ROCK2: variants seen among roughly 807,000 people sequenced by gnomAD.
The protein encoded by ROCK2 is Rho associated coiled-coil containing protein kinase 2, also known as rho-associated protein kinase 2.
In ROCK2, 61 loss-of-function variants were observed where a neutral mutation model predicts 195.1. The observed-to-expected ratio is 0.31, with a 90% CI of 0.25 to 0.39. The LOEUF (loss-of-function observed/expected upper bound fraction) is 0.39, where lower values mean the gene tolerates loss of function less well. Among genes scored for constraint, ROCK2 ranks in the 10% least tolerant of loss-of-function variants. The probability of loss-of-function intolerance (pLI) is 1.00; values close to 1 mark genes in which losing one functional copy is unlikely to be tolerated. For missense variants in ROCK2, 1,109 were observed against 1,637.4 expected (o/e 0.68, Z 5.57); for synonymous variants, 504 against 545.5 (o/e 0.92, Z 1.06).
intron 1 of ROCK2, among the ~76,000 whole-genome samples, chr2:11,320,030 GC>G (rs1264513116): frequency 1.3e-5 from 2 of 152,086 alleles, no homozygotes; most frequent in African/African-American, 4.8e-5. Flanking sequence ...TGAATCCACT[GC>G]TTCCACCTAA....
intron 3 of ROCK2, among the ~76,000 whole-genome samples, chr2:11,275,387 C>T (rs1019164971): frequency 7.2e-5 from 11 of 152,028 alleles, no homozygotes; most frequent in East Asian, 1.9e-4. Context: ...TGGTTGACTG[C>T]GGGCAACTGA....
At chr2:11,308,066 C>T in intron 1 of ROCK2, 1 of 1,606,680 alleles carries the variant, frequency 6.2e-7, no homozygotes, top group Non-Finnish European at 8.5e-7. Flanking sequence ...GCTGGGGCGC[C>T]AGTTTTAGGA....
chr2:11,263,136 G>C (rs901228170), intron 3 of ROCK2, among the ~76,000 whole-genome samples: 1 of 152,156 alleles, frequency 6.6e-6, no homozygotes, highest in African/African-American at 2.4e-5. Flanking sequence ...AAAAAGTTGA[G>C]TTTACATGAG....
chr2:11,212,001 G>A (rs1252443389), intron 17 of ROCK2, among the ~76,000 whole-genome samples, 161 bp from the exon 18 acceptor site: 2 of 151,518 alleles, frequency 1.3e-5, no homozygotes, highest in African/African-American at 2.4e-5. Flanking sequence ...AACCTCCCCA[G>A]GCTCAAGCAA....
At chr2:11,341,189 AC>A (rs1361832027) in intron 1 of ROCK2, among the ~76,000 whole-genome samples, 2 of 152,192 alleles carry the variant, frequency 1.3e-5, no homozygotes, top group African/African-American at 4.8e-5. Flanking sequence ...TTAAGGACCC[AC>A]ATAAAGCCAT....
intron 32 of ROCK2, among the ~76,000 whole-genome samples, chr2:11,190,422 A>G (rs1035893174): frequency 2.0e-5 from 3 of 152,118 alleles, no homozygotes; most frequent in Non-Finnish European, 4.4e-5. Context: ...CAAATAGACC[A>G]TAATGCTGAT....
At chr2:11,218,769 A>T (rs1664519619) in intron 10 of ROCK2, among the ~76,000 whole-genome samples, 197 bp downstream of exon 10, 1 of 152,238 alleles carries the variant, frequency 6.6e-6, no homozygotes, top group Admixed American at 6.5e-5. Flanking sequence ...TCCTCTTTGT[A>T]CTAGCCATCA....
chr2:11,303,160 T>A (rs1388306340), intron 1 of ROCK2, among the ~76,000 whole-genome samples: 1 of 152,264 alleles, frequency 6.6e-6, no homozygotes, highest in East Asian at 1.9e-4. Context: ...CAGATAAAAC[T>A]TATTTCTGTG....
intron 3 of ROCK2, among the ~76,000 whole-genome samples, chr2:11,274,926 G>T (rs1666771184): frequency 6.6e-6 from 1 of 152,004 alleles, no homozygotes; most frequent in Non-Finnish European, 1.5e-5. Context: ...CTATGATAAA[G>T]TTCAATTTAT....
At chr2:11,221,167 A>G (rs1278411061) in intron 9 of ROCK2, 31 bp downstream of exon 9, 9 of 1,467,594 alleles carry the variant, frequency 6.1e-6, no homozygotes, top group African/African-American at 1.4e-5. Context: ...TTCTAAAAAC[A>G]GTAAAATTTA....
rs116531954 is a variant in ROCK2, at chr2:11,265,282, C to A, written c.325-15484G>T. Among the ~76,000 whole-genome samples, 1,361 of 152,166 alleles carry A rather than the reference C, an allele frequency of 8.9e-3. 17 individuals carry two copies. Among genetic ancestry groups the A allele is most frequent in the African/African-American group, 0.031 (1,286 of 41,522 alleles). Reference sequence around the variant, plus strand: ...TATTACATTTATCTTCAGAAATGGGCAAGTTGGAAATCTAGATATCAAATT... The same window carrying A: ...TATTACATTTATCTTCAGAAATGGGAAAGTTGGAAATCTAGATATCAAATT... On this transcript the variant is annotated intron_variant, in intron 3 of 32. Transcript: ENST00000315872.
intron 3 of ROCK2, among the ~76,000 whole-genome samples, chr2:11,253,183 G>A (rs1053595165): frequency 6.6e-6 from 1 of 152,038 alleles, no homozygotes; most frequent in African/African-American, 2.4e-5. Context: ...GAAGAAAGAA[G>A]AAGAAATCAA....
intron 3 of ROCK2, among the ~76,000 whole-genome samples, chr2:11,255,379 CAG>C (rs1351669573): frequency 1.3e-5 from 2 of 150,562 alleles, no homozygotes; most frequent in Non-Finnish European, 2.9e-5. Context: ...AACAAAACCC[CAG>C]AGTCTCTACC....
At chr2:11,190,382 A>G (rs1012012766) in intron 32 of ROCK2, among the ~76,000 whole-genome samples, 1 of 150,780 alleles carries the variant, frequency 6.6e-6, no homozygotes, top group African/African-American at 2.4e-5. Flanking sequence ...AAAAAAAAAA[A>G]GTAACAAAAA....
chr2:11,291,740 T>C (rs552133178), intron 1 of ROCK2, among the ~76,000 whole-genome samples: 6 of 152,322 alleles, frequency 3.9e-5, no homozygotes, highest in African/African-American at 1.4e-4. Flanking sequence ...TTTTATACAT[T>C]TATGAGTTGT....
At chr2:11,223,145 C>G (rs1408979315) in intron 7 of ROCK2, among the ~76,000 whole-genome samples, 1 of 152,130 alleles carries the variant, frequency 6.6e-6, no homozygotes, top group Non-Finnish European at 1.5e-5. Context: ...ATCTCCAGGT[C>G]TTAATATATA....
At chr2:11,219,962 T>A (rs1454610678) in intron 9 of ROCK2, among the ~76,000 whole-genome samples, 3 of 151,384 alleles carry the variant, frequency 2.0e-5, no homozygotes, top group Non-Finnish European at 4.4e-5. Flanking sequence ...TCCTTTCATC[T>A]CAGCCTCTGA....
chr2:11,236,456 C>G (rs980301192), intron 4 of ROCK2, among the ~76,000 whole-genome samples: 2 of 152,060 alleles, frequency 1.3e-5, no homozygotes, highest in African/African-American at 2.4e-5. Flanking sequence ...AAGAATGAGT[C>G]ACTGGTAGCC....
intron 1 of ROCK2, among the ~76,000 whole-genome samples, chr2:11,309,570 C>T (rs1667969754): frequency 1.3e-5 from 2 of 151,920 alleles, no homozygotes; most frequent in Admixed American, 1.3e-4. Flanking sequence ...GGTTCTATAC[C>T]TAGAAAGTTA....
Sources: allele counts gnomAD v4.1 joint callset (sites outside exome capture counted in the v4.1 genomes callset), GRCh38; gene constraint gnomAD v4.1.1; transcripts MANE v1.5; gene names NCBI Gene and HGNC (gene_info 2026-07-23, HGNC 2026-07-21).